RINL: variants seen among roughly 807,000 people sequenced by gnomAD.
RINL encodes the protein Ras and Rab interactor like.
RINL carries 39 observed loss-of-function variants against 58.1 expected under a neutral mutation model. The observed-to-expected ratio is 0.67, with a 90% CI of 0.52 to 0.88. The LOEUF (loss-of-function observed/expected upper bound fraction) is 0.88. Ranked by LOEUF, RINL falls within the 40% of genes least tolerant of loss-of-function variation. RINL has a pLI of 0.00. For synonymous variants in RINL, 286 were observed against 323.1 expected (o/e 0.89, Z 1.23); for missense variants, 711 against 749.2 (o/e 0.95, Z 0.60).
At chr19:38,877,523 A>G (rs1325054798) in intron 1 of RINL, among the ~76,000 whole-genome samples, 1 of 152,132 alleles carries the variant, frequency 6.6e-6, no homozygotes, top group African/African-American at 2.4e-5. Context: ...TTCCCCCAGC[A>G]TTTTATTATG....
rs778949362 is a variant in RINL at position 38,869,964 on chromosome 19, G to C, written c.1321C>G (p.Leu441Val). ...LEVCRDVYAGLARGENQDPLG... is the reference protein window; with the variant it reads ...LEVCRDVYAGVARGENQDPLG... The stretch of plus-strand genomic sequence containing the variant: ...TTACCTTGGTTCTCGCCTCGAGCCA[G>C]GCCCGCATAGACATCTCTGCACACC... Residue 441 changes from leucine to valine, a missense_variant, in exon 9 of 12, where the codon CTG becomes GTG. Coordinates refer to ENST00000591812, the MANE Select transcript of RINL (RefSeq NM_001195833.2). The surrounding 1 kb of genome is among the most constrained non-coding windows in gnomAD (Gnocchi z 5.7). 5.0e-6 allele frequency: 8 copies of C among 1,599,996 alleles called. No individual in the cohort carries two copies. Among genetic ancestry groups the C allele is most frequent in the Non-Finnish European group, 6.8e-6 (8 of 1,174,476 alleles).
chr19:38,875,008 G>A lies in RINL; in HGVS notation c.211-1020C>T, dbSNP rs191022723. On this transcript the variant is annotated intron_variant, in intron 3 of 11. Transcript: ENST00000591812. Reference sequence around the variant, plus strand: ...AAATTAGCCGGGTGTAATGGCGGGCGCCTGTAATCCCAGCTACTCGGGAGG... The same window carrying A: ...AAATTAGCCGGGTGTAATGGCGGGCACCTGTAATCCCAGCTACTCGGGAGG... Among the ~76,000 whole-genome samples, 534 of 151,654 alleles carry A rather than the reference G, an allele frequency of 3.5e-3. 3 individuals are homozygous for A. The highest frequency in any genetic ancestry group is 0.012 in the African/African-American group (501 of 41,388).
At chr19:38,875,017 C>T (rs1972889892) in intron 3 of RINL, among the ~76,000 whole-genome samples, 2 of 150,496 alleles carry the variant, frequency 1.3e-5, no homozygotes, top group South Asian at 4.2e-4. Flanking sequence ...CGCCTGTAAT[C>T]CCAGCTACTC....
rs1321080277 is a variant in RINL, at chr19:38,871,432, C to T, written c.452-205G>A. The T allele has an allele frequency of 2.2e-5, 15 of 682,970 alleles. No homozygotes were observed. The Admixed American group carries it at 2.3e-4, about 11-fold the overall frequency. The allele number at this position is 682,970 out of a possible 1,614,324, so 42.3% of individuals were successfully genotyped here. ...AGGCGTCCGGGACCCCCAGTTCCTT[C>T]CTCCTCCAATCCTCTCCTCTGTTAG... is the stretch of plus-strand genomic sequence containing the variant. On this transcript the variant is annotated intron_variant, in intron 6 of 11. Transcript: ENST00000591812.
At position 38,869,488 on chromosome 19, in the gene RINL, G is replaced by A; in HGVS notation, c.1475-78C>T. ...CAAATCCCCCTGCAGTTTGCCTGCCGTCCCTCCTGCTGCGGGGGGAGGCTG... is the reference window on the plus strand; with the variant it reads ...CAAATCCCCCTGCAGTTTGCCTGCCATCCCTCCTGCTGCGGGGGGAGGCTG... On this transcript the variant is annotated intron_variant, in intron 10 of 11. Coordinates refer to ENST00000591812, the MANE Select transcript of RINL (RefSeq NM_001195833.2). This position sits in a 1 kb window ranked among gnomAD's most constrained non-coding sequence, Gnocchi z 5.7. 6.3e-7 allele frequency: 1 copy of A among 1,586,206 alleles called. No homozygotes were observed. The highest frequency in any genetic ancestry group is 8.6e-7 in the Non-Finnish European group (1 of 1,163,582).
chr19:38,871,069 C>G lies in RINL; in HGVS notation c.601+9G>C, dbSNP rs1244645190. On this transcript the variant is annotated intron_variant, in intron 7 of 11. Coordinates refer to ENST00000591812, the MANE Select transcript of RINL (RefSeq NM_001195833.2). ...CCCCTTCAGAGGCCCAGGGCCCCGC[C>G]CAGCTAACCTGGATCATGTCTCTGA... 1 of 1,588,572 alleles carries G rather than the reference C, an allele frequency of 6.3e-7. No individual in the cohort carries two copies. The highest frequency in any genetic ancestry group is 1.3e-5 in the African/African-American group (1 of 74,322).
chr19:38,874,195 G>A (rs553509843), intron 3 of RINL, among the ~76,000 whole-genome samples: 48 of 152,312 alleles, frequency 3.2e-4, no homozygotes, highest in Non-Finnish European at 5.9e-4. Flanking sequence ...CTAGCCAACA[G>A]GATGAGGGTG....
rs200920074 is a variant in RINL at position 38,869,459 on chromosome 19, G to A, written c.1475-49C>T. The A allele has an allele frequency of 5.4e-5, 85 of 1,572,788 alleles. No homozygotes were observed. Among genetic ancestry groups the A allele is most frequent in the Admixed American group, 3.7e-4 (21 of 56,262 alleles). On this transcript the variant is annotated intron_variant, in intron 10 of 11. Transcript: ENST00000591812. The surrounding 1 kb of genome is among the most constrained non-coding windows in gnomAD (Gnocchi z 5.7). ...CTCCGCCCTCTCGGCTTCCCTGGTC[G>A]CCCCAAATCCCCCTGCAGTTTGCCT... is the stretch of plus-strand genomic sequence containing the variant.
In RINL at chr19:38,870,759, G is replaced by A; in HGVS notation, c.835C>T (p.Arg279Ter). 6.2e-7 allele frequency: 1 copy of A among 1,613,210 alleles called. No individual in the cohort carries two copies. Among genetic ancestry groups the A allele is most frequent in the Non-Finnish European group, 8.5e-7 (1 of 1,180,002 alleles). ...GAGGCGATGCGCACCCGAAGGCTTC[G>A]GTACTGCCTGGCCACGTAGCTGCTC... Reference protein sequence around the residue: ...ARSSYVARQYRSLRVRIASDS... With the variant: ...ARSSYVARQY Residue 279 changes from arginine (R) to a stop codon, truncating the protein, a stop_gained, in exon 8 of 12, where the codon CGA (arginine) becomes TGA (stop). Transcript: ENST00000591812. LOFTEE classifies it high-confidence loss of function. The surrounding 1 kb of genome is among the most constrained non-coding windows in gnomAD (Gnocchi z 5.8).
rs1972820726 is a variant in RINL at position 38,871,753 on chromosome 19, C to G, written c.387-42G>C. 5 of 1,613,684 alleles carry G rather than the reference C, an allele frequency of 3.1e-6. No homozygotes were observed. The East Asian group carries it at 1.1e-4, about 36-fold the overall frequency. On this transcript the variant is annotated intron_variant, in intron 5 of 11. Coordinates refer to ENST00000591812, the MANE Select transcript of RINL (RefSeq NM_001195833.2). ...GGGAGCCACAGTGTCAGTGGGGTGT[C>G]TTAGGGAAGGGTCCCCCTTAGTGCC... is the stretch of plus-strand genomic sequence containing the variant.
chr19:38,867,907 ATATAT>A lies in RINL; in HGVS notation c.*1192_*1196del, dbSNP rs1972708679. The A allele has an allele frequency of 6.6e-6, 1 of 152,112 alleles. No individual in the cohort carries two copies. The highest frequency in any genetic ancestry group is 6.6e-5 in the Admixed American group (1 of 15,262). 9.4% of individuals were successfully genotyped at this position (152,112 alleles called of 1,614,324 possible). ...TTTGGGATACATTGTGTTAAATCAA[ATATAT>A]TATTATTAACGTTAACTTCACTTGT... On this transcript the variant is annotated 3_prime_UTR_variant, in exon 12 of 12. Transcript: ENST00000591812.
intron 5 of RINL, 38 bp from the exon 6 acceptor site, chr19:38,871,749 G>T (rs1222711895): frequency 6.2e-7 from 1 of 1,613,568 alleles, no homozygotes; most frequent in Non-Finnish European, 8.5e-7. Context: ...TGTCAGTGGG[G>T]TGTCTTAGGG....
chr19:38,869,792 C>A lies in RINL; in HGVS notation c.1343-88G>T. 1 of 1,575,380 alleles carries A rather than the reference C, an allele frequency of 6.3e-7. No individual in the cohort carries two copies. Among genetic ancestry groups the A allele is most frequent in the Admixed American group, 1.8e-5 (1 of 56,678 alleles). On this transcript the variant is annotated intron_variant, in intron 9 of 11. Coordinates refer to ENST00000591812, the MANE Select transcript of RINL (RefSeq NM_001195833.2). The surrounding 1 kb of genome is among the most constrained non-coding windows in gnomAD (Gnocchi z 5.7). ...CATCCGATCCCCAGGACCACGAGGG[C>A]TGGCTGCCCCTCCACCTTGTCGGGC...
rs770772448 is a variant in RINL at position 38,869,739 on chromosome 19, C to A, written c.1343-35G>T. ...CCAGAGGAAAGGTCTTGAGATGGAT[C>A]CCCATCTCAAGGCGCGTAGACACCT... On this transcript the variant is annotated intron_variant, in intron 9 of 11. Transcript: ENST00000591812. The surrounding 1 kb of genome is among the most constrained non-coding windows in gnomAD (Gnocchi z 5.7). The A allele has an allele frequency of 6.8e-5, 110 of 1,611,344 alleles. No homozygotes were observed. The highest frequency in any genetic ancestry group is 9.2e-5 in the Non-Finnish European group (108 of 1,178,672).
At chr19:38,875,260 A>T (rs1600095920) in intron 3 of RINL, among the ~76,000 whole-genome samples, 1 of 130,808 alleles carries the variant, frequency 7.6e-6, no homozygotes, top group African/African-American at 3.0e-5. Flanking sequence ...TCTGTTGCCC[A>T]GGCTGGTCTT....
intron 4 of RINL, among the ~76,000 whole-genome samples, chr19:38,872,202 C>G (rs974813231): frequency 6.6e-6 from 1 of 152,134 alleles, no homozygotes; most frequent in Non-Finnish European, 1.5e-5. Flanking sequence ...AATGAATAAA[C>G]AGTCAGGGTA....
Position 38,869,897 on chromosome 19 carries a change from C to T in RINL, c.1342+46G>A. The T allele has an allele frequency of 6.4e-7, 1 of 1,553,550 alleles. No individual in the cohort carries two copies. The highest frequency in any genetic ancestry group is 8.7e-7 in the Non-Finnish European group (1 of 1,152,244). On this transcript the variant is annotated intron_variant, in intron 9 of 11. Coordinates refer to ENST00000591812, the MANE Select transcript of RINL (RefSeq NM_001195833.2). The surrounding 1 kb of genome is among the most constrained non-coding windows in gnomAD (Gnocchi z 5.7). ...GCTACCCTCTCCCGCCTGGCTCCAA[C>T]TCTCAAGGCTCTCCCCACCACGCTA...
Position 38,870,450 on chromosome 19 carries a change from A to G in RINL, c.1024+120T>C. ...GAACTTGCGCGCATACGTGGGCGATAGAACGCGTGGGATGTGTAGGAAGGG... is the reference window on the plus strand; with the variant it reads ...GAACTTGCGCGCATACGTGGGCGATGGAACGCGTGGGATGTGTAGGAAGGG... On this transcript the variant is annotated intron_variant, in intron 8 of 11. Transcript: ENST00000591812. This position sits in a 1 kb window ranked among gnomAD's most constrained non-coding sequence, Gnocchi z 5.8. 1 of 1,231,900 alleles carries G rather than the reference A, an allele frequency of 8.1e-7. No homozygotes were observed. The highest frequency in any genetic ancestry group is 1.1e-6 in the Non-Finnish European group (1 of 912,242). 76.3% of individuals were successfully genotyped at this position (1,231,900 alleles called of 1,614,324 possible). A position where few individuals can be genotyped will look rare whatever the true frequency, so the allele number is the denominator to read the frequency against.
Position 38,871,800 on chromosome 19 carries a change from G to A in RINL, c.384C>T (p.Ser128=). ...TGCCTCAGATGGGTGACCTGTACCT[G>A]CTGGCTGATAGAAAGGCCAGGAGAT... ...LPHLLAFLSA[S]RDVLPRTLLL... The change falls in exon 5 of 12, where the codon AGC becomes AGT. Residue 128 remains serine, a splice_region_variant and synonymous_variant. Transcript: ENST00000591812. 6.2e-7 allele frequency: 1 copy of A among 1,614,014 alleles called. No homozygotes were observed. The highest frequency in any genetic ancestry group is 8.5e-7 in the Non-Finnish European group (1 of 1,179,852).
Sources: gnomAD v4.1 joint callset for allele counts (sites outside exome capture counted in the v4.1 genomes callset) on GRCh38, gnomAD v4.1.1 for gene constraint, Gnocchi (gnomAD v3.1) non-coding constraint, MANE v1.5 for transcripts, NCBI Gene and HGNC (gene_info 2026-07-23, HGNC 2026-07-21) for gene names.